The following CNMD variants were observed in gnomAD, a reference collection of about 807,000 sequenced individuals.
The protein encoded by CNMD is leukocyte cell-derived chemotaxin 1.
In CNMD, 30 loss-of-function variants were observed where a neutral mutation model predicts 37.5. That is an observed-to-expected ratio of 0.80 (90% CI 0.60 to 1.09). CNMD has a LOEUF of 1.09. CNMD is among the 50% of genes least tolerant of loss of function. CNMD has a pLI of 0.00. For missense variants in CNMD, 398 were observed against 423.9 expected, an observed-to-expected ratio of 0.94 and a Z score of 0.54; for synonymous variants, 167 against 148.2, an observed-to-expected ratio of 1.13 and a Z score of -0.92.
chr13:52,706,315 A>C (rs184056294), intron 6 of CNMD, among the ~76,000 whole-genome samples: 1 of 152,176 alleles, frequency 6.6e-6, no homozygotes, highest in Admixed American at 6.5e-5. Context: ...TTAAAATGTA[A>C]ATCTACTTCG....
At chr13:52,707,215 T>C (rs748340446) in intron 6 of CNMD, among the ~76,000 whole-genome samples, 51 of 152,172 alleles carry the variant, frequency 3.4e-4, no homozygotes, top group Admixed American at 5.9e-4. Context: ...TTTTAAAAGC[T>C]AGCTACAAAT....
At chr13:52,707,636 G>A (rs775163176) in intron 6 of CNMD, among the ~76,000 whole-genome samples, 9 of 152,148 alleles carry the variant, frequency 5.9e-5, no homozygotes, top group Non-Finnish European at 1.0e-4. Flanking sequence ...CCTCCAGGGA[G>A]CACTCTAGGA....
chr13:52,717,923 GCT>G (rs1964417101), intron 4 of CNMD, among the ~76,000 whole-genome samples: 1 of 152,098 alleles, frequency 6.6e-6, no homozygotes. Context: ...AATGGTACCA[GCT>G]CCTCTTTGTA....
intron 6 of CNMD, 140 bp from the exon 7 acceptor site, chr13:52,703,950 GTCAT>G (rs1276324981): frequency 1.5e-5 from 10 of 658,248 alleles, no homozygotes; most frequent in African/African-American, 1.8e-5. Context: ...TGTTTACCCT[GTCAT>G]TCATAATTCA....
intron 2 of CNMD, among the ~76,000 whole-genome samples, chr13:52,736,102 T>A (rs1156888404): frequency 6.6e-6 from 1 of 152,060 alleles, no homozygotes. Context: ...CACACCATTC[T>A]CCTGCCTCAG....
Position 52,733,296 on chromosome 13 carries a change from CTA to C in CNMD, c.275_276del (p.Ile92ArgfsTer10), listed in dbSNP as rs1964705284. The C allele has an allele frequency of 6.2e-7, 1 of 1,613,734 alleles. No homozygotes were observed. Among genetic ancestry groups the C allele is most frequent in the South Asian group, 1.1e-5 (1 of 91,078 alleles). ...AAGGTCTCCAAGTTGTTCCCAGCGT[CTA>C]TTTCCATTGACCCATCTTGTAATTT... is the stretch of plus-strand genomic sequence containing the variant. ...NGKLQDGSME[I>X]DAGNNLETFK... On this transcript the variant is annotated frameshift_variant, in exon 3 of 7. Coordinates refer to ENST00000377962, the MANE Select transcript of CNMD (RefSeq NM_007015.3). LOFTEE classifies it high-confidence loss of function.
At chr13:52,709,008 G>A (rs1964246236) in intron 5 of CNMD, among the ~76,000 whole-genome samples, 1 of 152,140 alleles carries the variant, frequency 6.6e-6, no homozygotes, top group Non-Finnish European at 1.5e-5. Context: ...CTGGGGCTGA[G>A]AAAATAAAAC....
In CNMD at chr13:52,739,353, G is replaced by T; in HGVS notation, c.73-182C>A. 1 of 759,020 alleles carries T rather than the reference G, an allele frequency of 1.3e-6. No homozygotes were observed. Among genetic ancestry groups the T allele is most frequent in the Non-Finnish European group, 2.0e-6 (1 of 492,636 alleles). The allele number at this position is 759,020 out of a possible 1,614,324, so 47.0% of individuals were successfully genotyped here. On this transcript the variant is annotated intron_variant, in intron 1 of 6. Coordinates refer to ENST00000377962, the MANE Select transcript of CNMD (RefSeq NM_007015.3). This position sits in a 1 kb window ranked among gnomAD's most constrained non-coding sequence, Gnocchi z 5.4. Reference sequence around the variant, plus strand: ...CCTCCCGAGGGTCCTTTGCAGTCGGGCGTGGAAGTGGGATGAGCAAACCCC... The same window carrying T: ...CCTCCCGAGGGTCCTTTGCAGTCGGTCGTGGAAGTGGGATGAGCAAACCCC...
chr13:52,738,754 A>G (rs979735923), intron 2 of CNMD, among the ~76,000 whole-genome samples: 1 of 152,148 alleles, frequency 6.6e-6, no homozygotes, highest in Non-Finnish European at 1.5e-5. Flanking sequence ...GCCACTGCTT[A>G]GTGGGAGATG....
chr13:52,739,420 G>A lies in CNMD; in HGVS notation c.72+210C>T. The A allele has an allele frequency of 1.5e-6, 1 of 664,590 alleles. No individual in the cohort carries two copies. Among genetic ancestry groups the A allele is most frequent in the Non-Finnish European group, 2.6e-6 (1 of 388,648 alleles). The allele number at this position is 664,590 out of a possible 1,614,324, so 41.2% of individuals were successfully genotyped here. A position where few individuals can be genotyped will look rare whatever the true frequency, so the allele number is the denominator to read the frequency against. ...GCCCCAGGACCTGCACCCTCTACCG[G>A]CCACGGGACGTCCCTCCGCACCCGC... On this transcript the variant is annotated intron_variant, in intron 1 of 6. Transcript: ENST00000377962. The surrounding 1 kb of genome is among the most constrained non-coding windows in gnomAD (Gnocchi z 5.4).
chr13:52,710,405 A>C (rs1357591511), intron 5 of CNMD, among the ~76,000 whole-genome samples: 1 of 152,256 alleles, frequency 6.6e-6, no homozygotes, highest in Non-Finnish European at 1.5e-5. Flanking sequence ...ACAAAGCGTA[A>C]TTCTCTACTA....
intron 3 of CNMD, among the ~76,000 whole-genome samples, chr13:52,726,829 A>G (rs564701615): frequency 1.2e-4 from 18 of 152,322 alleles, no homozygotes; most frequent in Admixed American, 7.8e-4. Flanking sequence ...GAGAATACTG[A>G]AAAACATGAC....
At chr13:52,716,105 A>G (rs1339182234) in intron 4 of CNMD, among the ~76,000 whole-genome samples, 1 of 152,144 alleles carries the variant, frequency 6.6e-6, no homozygotes, top group East Asian at 1.9e-4. Flanking sequence ...ATGACCAGTG[A>G]TGATCAACTT....
intron 3 of CNMD, among the ~76,000 whole-genome samples, chr13:52,726,555 A>C (rs1964577740): frequency 6.6e-6 from 1 of 151,956 alleles, no homozygotes; most frequent in African/African-American, 2.4e-5. Context: ...GCATGCACCC[A>C]GAATGAAAGC....
At chr13:52,718,468 G>A (rs993978792) in intron 4 of CNMD, among the ~76,000 whole-genome samples, 1 of 151,986 alleles carries the variant, frequency 6.6e-6, no homozygotes, top group Non-Finnish European at 1.5e-5. Flanking sequence ...GCTTTCTCCT[G>A]TGGGCATTTT....
chr13:52,731,036 G>A (rs758400847), intron 3 of CNMD, among the ~76,000 whole-genome samples: 11 of 152,110 alleles, frequency 7.2e-5, no homozygotes, highest in African/African-American at 9.7e-5. Context: ...ACCCTGGAGC[G>A]AGACTGCACA....
At position 52,739,291 on chromosome 13, in the gene CNMD, C is replaced by G; in HGVS notation, c.73-120G>C. 1 of 1,218,256 alleles carries G rather than the reference C, an allele frequency of 8.2e-7. No individual in the cohort carries two copies. The allele number at this position is 1,218,256 out of a possible 1,614,324, so 75.5% of individuals were successfully genotyped here. A position where few individuals can be genotyped will look rare whatever the true frequency, so the allele number is the denominator to read the frequency against. On this transcript the variant is annotated intron_variant, in intron 1 of 6. Coordinates refer to ENST00000377962, the MANE Select transcript of CNMD (RefSeq NM_007015.3). This position sits in a 1 kb window ranked among gnomAD's most constrained non-coding sequence, Gnocchi z 5.4. Reference sequence around the variant, plus strand: ...GTGGGGAGTCGGGCGGGAAACAGCTCGCCCGGGCTCCTACGGGTGCCCCTT... The same window carrying G: ...GTGGGGAGTCGGGCGGGAAACAGCTGGCCCGGGCTCCTACGGGTGCCCCTT...
intron 4 of CNMD, among the ~76,000 whole-genome samples, chr13:52,715,981 A>G (rs1168281739): frequency 1.3e-5 from 2 of 152,146 alleles, no homozygotes; most frequent in African/African-American, 4.8e-5. Context: ...GTGTAAAAGC[A>G]TTCCTATTCC....
At chr13:52,717,532 A>G (rs1345707436) in intron 4 of CNMD, among the ~76,000 whole-genome samples, 2 of 152,188 alleles carry the variant, frequency 1.3e-5, no homozygotes, top group Non-Finnish European at 2.9e-5. Flanking sequence ...TACCTAGTTT[A>G]TTGAAAGTTT....
Sources: allele counts gnomAD v4.1 joint callset (sites outside exome capture counted in the v4.1 genomes callset), GRCh38; gene constraint gnomAD v4.1.1; non-coding constraint Gnocchi (gnomAD v3.1); transcripts MANE v1.5; gene names NCBI Gene and HGNC (gene_info 2026-07-23, HGNC 2026-07-21).